The following CBL variants were observed in gnomAD, a reference collection of about 807,000 sequenced individuals.
CBL encodes Cbl proto-oncogene, also known as E3 ubiquitin-protein ligase CBL.
A neutral mutation model predicts 96.9 loss-of-function variants in CBL; 45 were observed. That is an observed-to-expected ratio of 0.46 (90% CI 0.37 to 0.60). CBL has a LOEUF of 0.60. CBL is among the 20% of genes least tolerant of loss of function. The pLI is 0.00. For synonymous variants in CBL, 420 were observed against 426.8 expected (o/e 0.98, Z 0.20); for missense variants, 1,024 against 1,143.5 (o/e 0.90, Z 1.51).
At chr11:119,297,361 A>G (rs1458388874) in intron 13 of CBL, 23 bp from the exon 14 acceptor site, 1 of 1,548,964 alleles carries the variant, frequency 6.5e-7, no homozygotes, top group Non-Finnish European at 8.9e-7. Flanking sequence ...AAAGATCATT[A>G]TGGCACTTTC....
intron 2 of CBL, among the ~76,000 whole-genome samples, chr11:119,240,994 A>C (rs1171762077): frequency 6.6e-6 from 1 of 151,998 alleles, no homozygotes; most frequent in Non-Finnish European, 1.5e-5. Context: ...AATCACTTGA[A>C]CCTGGGAGGT....
chr11:119,265,939 T>C (rs1057282444), intron 2 of CBL, among the ~76,000 whole-genome samples: 2 of 146,624 alleles, frequency 1.4e-5, no homozygotes, highest in Non-Finnish European at 3.0e-5. Flanking sequence ...GGAGAATTGC[T>C]TGAACCCGGG....
chr11:119,263,263 A>G (rs1246167778), intron 2 of CBL, among the ~76,000 whole-genome samples: 1 of 152,208 alleles, frequency 6.6e-6, no homozygotes, highest in Non-Finnish European at 1.5e-5. Flanking sequence ...GCTTTCATGT[A>G]TCAGGTCAGC....
intron 1 of CBL, among the ~76,000 whole-genome samples, chr11:119,223,894 G>A (rs1949432868): frequency 6.6e-6 from 1 of 152,096 alleles, no homozygotes; most frequent in African/African-American, 2.4e-5. Flanking sequence ...CGAAGTGCTG[G>A]GATTACAGGT....
rs926750958 is a variant in CBL at position 119,299,772 on chromosome 11, A to G, written c.2712A>G (p.Val904=). Residue 904 remains valine (V), a synonymous_variant, in exon 16 of 16, where the codon GTA becomes GTG. Transcript: ENST00000264033. ...TTTCCATTTCTTCTCCTGCCCATGT[A>G]GCTACCTAGCACACCATCTCCCTGC... is the stretch of plus-strand genomic sequence containing the variant. ...EFVSISSPAH[V]AT The G allele has an allele frequency of 1.2e-6, 2 of 1,614,096 alleles. No homozygotes were observed. The highest frequency in any genetic ancestry group is 1.7e-6 in the Non-Finnish European group (2 of 1,180,016).
intron 1 of CBL, among the ~76,000 whole-genome samples, chr11:119,211,549 C>A (rs1054440706): frequency 6.6e-6 from 1 of 151,766 alleles, no homozygotes; most frequent in African/African-American, 2.4e-5. Flanking sequence ...CTCTGTTGCC[C>A]AGGCTGGAGT....
intron 3 of CBL, 64 bp from the exon 4 acceptor site, chr11:119,273,804 T>A (rs1421683719): frequency 3.0e-5 from 43 of 1,431,160 alleles, no homozygotes; most frequent in Admixed American, 8.6e-5. Context: ...TTTCCTTGAT[T>A]ATGGCGATGC....
At chr11:119,244,788 C>T (rs1353928231) in intron 2 of CBL, among the ~76,000 whole-genome samples, 1 of 151,714 alleles carries the variant, frequency 6.6e-6, no homozygotes, top group Non-Finnish European at 1.5e-5. Context: ...TGAGTTCAAG[C>T]AATCCGCCCC....
intron 2 of CBL, among the ~76,000 whole-genome samples, chr11:119,257,123 A>G (rs1259885124): frequency 6.6e-6 from 1 of 152,220 alleles, no homozygotes. Flanking sequence ...GCAGACCTAC[A>G]TTTAGTTCTT....
intron 2 of CBL, among the ~76,000 whole-genome samples, chr11:119,255,439 T>C (rs1217265297): frequency 6.6e-6 from 1 of 152,198 alleles, no homozygotes; most frequent in African/African-American, 2.4e-5. Flanking sequence ...TGATTATATG[T>C]TTTTTCCCTG....
intron 1 of CBL, among the ~76,000 whole-genome samples, chr11:119,215,992 G>T (rs1198223485): frequency 6.6e-6 from 1 of 152,232 alleles, no homozygotes; most frequent in Non-Finnish European, 1.5e-5. Context: ...AGCAGCTTCC[G>T]CAAGGAGGGA....
At chr11:119,206,999 G>A (rs1592365014) in intron 1 of CBL, among the ~76,000 whole-genome samples, 1 of 152,068 alleles carries the variant, frequency 6.6e-6, no homozygotes, top group Non-Finnish European at 1.5e-5. Flanking sequence ...TTAGCAGGGA[G>A]GGGGTGAGGA....
Position 119,299,852 on chromosome 11 carries a change from G to C in CBL, c.*71G>C. 1.4e-6 allele frequency: 2 copies of C among 1,471,888 alleles called. No homozygotes were observed. Among genetic ancestry groups the C allele is most frequent in the Non-Finnish European group, 1.9e-6 (2 of 1,058,592 alleles). The allele number at this position is 1,471,888 out of a possible 1,614,324, so 91.2% of individuals were successfully genotyped here. A position where few individuals can be genotyped will look rare whatever the true frequency, so the allele number is the denominator to read the frequency against. On this transcript the variant is annotated 3_prime_UTR_variant, in exon 16 of 16. Coordinates refer to ENST00000264033, the MANE Select transcript of CBL (RefSeq NM_005188.4). Reference sequence around the variant, plus strand: ...GTTATTACTCAAGTGGCACCTAGAAGGGCAGGAGTTCCTTTGGTGACTTCA... The same window carrying C: ...GTTATTACTCAAGTGGCACCTAGAACGGCAGGAGTTCCTTTGGTGACTTCA...
In CBL at chr11:119,305,512, T is replaced by A. The variant is rs1455911512; in HGVS notation, c.*5731T>A. 4.3e-6 allele frequency: 1 copy of A among 230,206 alleles called. No homozygotes were observed. Among genetic ancestry groups the A allele is most frequent in the Non-Finnish European group, 8.6e-6 (1 of 116,248 alleles). The allele number at this position is 230,206 out of a possible 1,614,324, so 14.3% of individuals were successfully genotyped here. ...GTCTCCTCCACTCTCCTCCTCACCC[T>A]CTCGCTCCTTCCTGTGTGAGGGCCG... is the stretch of plus-strand genomic sequence containing the variant. On this transcript the variant is annotated 3_prime_UTR_variant, in exon 16 of 16. Transcript: ENST00000264033.
chr11:119,242,741 TAAA>T (rs34339877), intron 2 of CBL, among the ~76,000 whole-genome samples: 1 of 117,938 alleles, frequency 8.5e-6, no homozygotes, highest in Admixed American at 9.0e-5. Context: ...CCTGACTCTT[TAAA>T]AAAAAAAAAA....
chr11:119,287,891 C>T lies in CBL; in HGVS notation c.1981C>T (p.His661Tyr), dbSNP rs2135312925. The T allele has an allele frequency of 6.2e-7, 1 of 1,613,738 alleles. No homozygotes were observed. The highest frequency in any genetic ancestry group is 8.5e-7 in the Non-Finnish European group (1 of 1,179,642). Residue 661 changes from histidine to tyrosine, a missense_variant, in exon 12 of 16, where the codon CAC becomes TAC. This residue lies in a region of CBL where 695 missense variants were observed against 661.6 expected (regional missense o/e 1.05). Coordinates refer to ENST00000264033, the MANE Select transcript of CBL (RefSeq NM_005188.4). ...SSPLVGPECD[H>Y]PKIKPSSSAN... Reference sequence around the variant, plus strand: ...CCCATTAGTAGGTCCAGAGTGTGACCACCCCAAAATCAAACCTTCCTCATC... The same window carrying T: ...CCCATTAGTAGGTCCAGAGTGTGACTACCCCAAAATCAAACCTTCCTCATC...
At chr11:119,218,982 C>T (rs1949385600) in intron 1 of CBL, among the ~76,000 whole-genome samples, 1 of 152,142 alleles carries the variant, frequency 6.6e-6, no homozygotes, top group Non-Finnish European at 1.5e-5. Context: ...CTTTGGGAGG[C>T]TAAGGTGGGT....
In CBL at chr11:119,300,602, C is replaced by T. The variant is rs1467984682; in HGVS notation, c.*821C>T. The T allele has an allele frequency of 2.5e-6, 1 of 398,926 alleles. No individual in the cohort carries two copies. Among genetic ancestry groups the T allele is most frequent in the Non-Finnish European group, 4.4e-6 (1 of 226,084 alleles). The allele number at this position is 398,926 out of a possible 1,614,324, so 24.7% of individuals were successfully genotyped here. On this transcript the variant is annotated 3_prime_UTR_variant, in exon 16 of 16. Coordinates refer to ENST00000264033, the MANE Select transcript of CBL (RefSeq NM_005188.4). ...TACTAGCAGCTAACACTGGTCACTC[C>T]AAAGCACTGTTTCTATAGGAACATT...
In CBL at chr11:119,206,522, G is replaced by GCAC. The variant is rs373212940; in HGVS notation, c.125_127dup (p.His42dup). 2,312 of 1,556,494 alleles carry GCAC rather than the reference G, an allele frequency of 1.5e-3. 5 individuals are homozygous for GCAC. Among genetic ancestry groups the GCAC allele is most frequent in the African/African-American group, 0.01 (749 of 73,600 alleles). ...GGCTCATGAAGGACGCCTTCCAGCC[G>GCAC]CACCACCACCACCACCACCACCTCA... On this transcript the variant is annotated inframe_insertion, in exon 1 of 16. Transcript: ENST00000264033.
Sources: allele counts gnomAD v4.1 joint callset (sites outside exome capture counted in the v4.1 genomes callset), GRCh38; gene constraint gnomAD v4.1.1; regional missense constraint gnomAD v4.1.1; transcripts MANE v1.5; gene names NCBI Gene and HGNC (gene_info 2026-07-23, HGNC 2026-07-21).